CDC42BPB: variants seen among roughly 807,000 people sequenced by gnomAD.
CDC42BPB encodes serine/threonine-protein kinase MRCK beta.
In CDC42BPB, 37 loss-of-function variants were observed where a neutral mutation model predicts 214.9. The ratio of observed to expected loss-of-function variants is 0.17; its 90% CI spans 0.13 to 0.23. The LOEUF is 0.23. Among genes scored for constraint, CDC42BPB ranks in the 10% least tolerant of loss-of-function variants. The probability of loss-of-function intolerance (pLI) is 1.00; values close to 1 mark genes in which losing one functional copy is unlikely to be tolerated. For missense variants in CDC42BPB, 1,694 were observed against 2,227.0 expected (o/e 0.76, Z 4.82); for synonymous variants, 931 against 884.0 (o/e 1.05, Z -0.94).
At chr14:102,981,269 G>A in intron 7 of CDC42BPB, 1 of 834,450 alleles carries the variant, frequency 1.2e-6, no homozygotes, top group Non-Finnish European at 1.4e-6. Flanking sequence ...TTTACCTATG[G>A]AAGTGGCAAG....
rs370559116 is a variant in CDC42BPB, at chr14:102,983,999, G to A, written c.691-243C>T. The stretch of plus-strand genomic sequence containing the variant: ...GAGCCCAGGAGCTCAAGGCCAACAC[G>A]GGCAACATGGTCCCCAACCCTGTCT... On this transcript the variant is annotated intron_variant, in intron 6 of 36. Transcript: ENST00000361246. The A allele has an allele frequency of 1.0e-4, 45 of 435,866 alleles. No homozygotes were observed. The East Asian group carries it at 5.0e-3, about 49-fold the overall frequency. The allele number at this position is 435,866 out of a possible 1,614,324, so 27.0% of individuals were successfully genotyped here. A position where few individuals can be genotyped will look rare whatever the true frequency, so the allele number is the denominator to read the frequency against.
chr14:103,018,824 G>A (rs914314953), intron 1 of CDC42BPB, among the ~76,000 whole-genome samples: 6 of 152,190 alleles, frequency 3.9e-5, no homozygotes, highest in African/African-American at 9.6e-5. Context: ...TGATCACTTC[G>A]AAACCACCAG....
intron 5 of CDC42BPB, 46 bp downstream of exon 5, chr14:102,999,519 T>C (rs1199438597): frequency 6.2e-7 from 1 of 1,602,292 alleles, no homozygotes; most frequent in Admixed American, 1.7e-5. Context: ...AGGAGTCTTT[T>C]AACAATTAAA....
intron 1 of CDC42BPB, among the ~76,000 whole-genome samples, chr14:103,029,157 C>T (rs190177644): frequency 1.3e-5 from 2 of 152,288 alleles, no homozygotes; most frequent in East Asian, 3.9e-4. Flanking sequence ...TAGACATTGA[C>T]TCTGCATTTC....
In CDC42BPB at chr14:102,939,732, G is replaced by A. The variant is rs375217140; in HGVS notation, c.4710-5C>T. On this transcript the variant is annotated splice_region_variant and splice_polypyrimidine_tract_variant and intron_variant, in intron 33 of 36. Transcript: ENST00000361246. ...TCTGGGTCTCTAAGCATCTCTCTGG[G>A]GAAAGGACACACTTTTGAGATTCAT... 4.4e-5 allele frequency: 71 copies of A among 1,614,020 alleles called. 1 individual carries two copies. The highest frequency in any genetic ancestry group is 3.2e-5 in the Non-Finnish European group (38 of 1,180,028).
At chr14:102,957,897 C>T (rs996866258) in intron 21 of CDC42BPB, among the ~76,000 whole-genome samples, 4 of 152,232 alleles carry the variant, frequency 2.6e-5, no homozygotes, top group Admixed American at 1.3e-4. Flanking sequence ...GGCCTCTGTG[C>T]GTGGAAAGGG....
intron 12 of CDC42BPB, among the ~76,000 whole-genome samples, chr14:102,972,637 C>CGA (rs915526892): frequency 7.9e-6 from 1 of 127,258 alleles, no homozygotes; most frequent in Non-Finnish European, 1.6e-5. Context: ...TGCAGTGAGC[C>CGA]GAGATTGTGC....
chr14:102,950,276 T>C (rs1892425395), intron 25 of CDC42BPB, among the ~76,000 whole-genome samples, 190 bp downstream of exon 25: 1 of 152,228 alleles, frequency 6.6e-6, no homozygotes, highest in Admixed American at 6.5e-5. Context: ...GGCCTCAGGA[T>C]GCCCAGGCCA....
intron 1 of CDC42BPB, among the ~76,000 whole-genome samples, chr14:103,040,631 G>A (rs1887936466): frequency 6.6e-6 from 1 of 151,980 alleles, no homozygotes; most frequent in Admixed American, 6.6e-5. Context: ...GCTAATTTTT[G>A]TATTTTTGTA....
intron 20 of CDC42BPB, chr14:102,959,937 T>G: frequency 2.8e-6 from 2 of 717,242 alleles, no homozygotes; most frequent in Non-Finnish European, 3.4e-6. Flanking sequence ...CTGGGTGCGG[T>G]GGCTCACGCC....
intron 24 of CDC42BPB, among the ~76,000 whole-genome samples, chr14:102,951,225 G>A (rs957490561): frequency 2.0e-5 from 3 of 152,222 alleles, no homozygotes; most frequent in African/African-American, 7.2e-5. Flanking sequence ...TCATGGGGAC[G>A]TGGGGTCTTG....
chr14:102,985,112 C>G (rs556258602), intron 6 of CDC42BPB, among the ~76,000 whole-genome samples: 1 of 150,896 alleles, frequency 6.6e-6, no homozygotes, highest in Non-Finnish European at 1.5e-5. Context: ...GGAGGGTAAC[C>G]CATGTTCTGG....
chr14:103,005,276 T>C (rs1307871294), intron 3 of CDC42BPB, among the ~76,000 whole-genome samples: 2 of 152,130 alleles, frequency 1.3e-5, no homozygotes, highest in Non-Finnish European at 2.9e-5. Flanking sequence ...TTGTCAAGCT[T>C]AACAAAAATA....
In CDC42BPB at chr14:102,974,044, A is replaced by G. The variant is rs964090318; in HGVS notation, c.1613T>C (p.Val538Ala). The G allele has an allele frequency of 6.2e-7, 1 of 1,612,050 alleles. No individual in the cohort carries two copies. The highest frequency in any genetic ancestry group is 8.5e-7 in the Non-Finnish European group (1 of 1,179,182). The change falls in exon 12 of 37, where the codon GTC becomes GCC. Residue 538 changes from valine (V) to alanine (A), a missense_variant. By Grantham distance (64) the Val-to-Ala change is moderately conservative. This residue lies in a region of CDC42BPB where 462 missense variants were observed against 513.5 expected (regional missense o/e 0.90). Coordinates refer to ENST00000361246, the MANE Select transcript of CDC42BPB (RefSeq NM_006035.4). The part of the protein sequence containing the change: ...LRGLEKQHRV[V>A]RQEKEELHKQ... ...GTGCAGCTCCTCCTTCTCCTGCCGG[A>G]CCACGCGGTGCTGCTTCTCCAGCCC...
intron 9 of CDC42BPB, 96 bp from the exon 10 acceptor site, chr14:102,976,145 A>C: frequency 6.5e-7 from 1 of 1,528,468 alleles, no homozygotes; most frequent in Non-Finnish European, 8.7e-7. Flanking sequence ...AGTCTTTTTA[A>C]ATCAGCAAAC....
intron 30 of CDC42BPB, 80 bp from the exon 31 acceptor site, chr14:102,940,404 G>A: frequency 1.3e-6 from 2 of 1,542,514 alleles, no homozygotes; most frequent in Non-Finnish European, 1.8e-6. Flanking sequence ...CCAAGCCTTG[G>A]CACTTGAACA....
chr14:102,938,490 T>C (rs748432856), intron 34 of CDC42BPB, 79 bp from the exon 35 acceptor site: 279 of 1,491,206 alleles, frequency 1.9e-4, no homozygotes, highest in Middle Eastern at 2.5e-4. Flanking sequence ...CAACCTACGG[T>C]GGCTGTGGCC....
chr14:102,976,610 A>G (rs980574843), intron 9 of CDC42BPB, among the ~76,000 whole-genome samples: 9 of 152,266 alleles, frequency 5.9e-5, no homozygotes, highest in African/African-American at 2.2e-4. Flanking sequence ...TAATAGCTTA[A>G]TTCTTGGGCT....
intron 30 of CDC42BPB, 137 bp from the exon 31 acceptor site, chr14:102,940,461 G>A: frequency 6.8e-7 from 1 of 1,475,682 alleles, no homozygotes. Context: ...CGTCACCAAA[G>A]ACTTCATGTT....
Sources: allele counts gnomAD v4.1 joint callset (sites outside exome capture counted in the v4.1 genomes callset), GRCh38; gene constraint gnomAD v4.1.1; regional missense constraint gnomAD v4.1.1; transcripts MANE v1.5; gene names NCBI Gene and HGNC (gene_info 2026-07-23, HGNC 2026-07-21).